Variants in PRKN observed in about 807,000 individuals in gnomAD.
The protein encoded by PRKN is E3 ubiquitin-protein ligase parkin.
PRKN carries 56 observed loss-of-function variants against 59.5 expected under a neutral mutation model. The observed-to-expected ratio is 0.94, with a 90% CI of 0.76 to 1.18. The LOEUF (loss-of-function observed/expected upper bound fraction) is 1.18. Among genes scored for constraint, PRKN ranks in the 50% most tolerant of loss-of-function variants. The pLI, the probability that PRKN is intolerant of heterozygous loss-of-function variation, is 0.00. For synonymous variants in PRKN, 250 were observed against 222.1 expected (o/e 1.13, Z -1.12); for missense variants, 657 against 596.4 (o/e 1.10, Z -1.06).
chr6:161,658,342 G>T (rs1395466102), intron 7 of PRKN, among the ~76,000 whole-genome samples: 3 of 152,146 alleles, frequency 2.0e-5, no homozygotes, highest in African/African-American at 7.2e-5. Flanking sequence ...TCAATAAAGA[G>T]AAAAGAGTTC....
chr6:162,235,632 C>G (rs1778622617), intron 3 of PRKN, among the ~76,000 whole-genome samples: 1 of 151,904 alleles, frequency 6.6e-6, no homozygotes, highest in African/African-American at 2.4e-5. Flanking sequence ...ATGGCGAAAC[C>G]CTGTCTCTAC....
At chr6:162,725,531 G>A (rs1229545030) in intron 1 of PRKN, among the ~76,000 whole-genome samples, 2 of 152,200 alleles carry the variant, frequency 1.3e-5, no homozygotes, top group East Asian at 3.9e-4. Flanking sequence ...AGGCGAATGC[G>A]GGAGGATTGC....
chr6:162,310,567 G>C (rs576074069), intron 2 of PRKN, among the ~76,000 whole-genome samples: 11 of 151,268 alleles, frequency 7.3e-5, no homozygotes, highest in Non-Finnish European at 1.0e-4. Flanking sequence ...AATTTCTGTT[G>C]TTTAAGTTCC....
At chr6:162,118,032 C>CA (rs1780748020) in intron 4 of PRKN, among the ~76,000 whole-genome samples, 1 of 151,970 alleles carries the variant, frequency 6.6e-6, no homozygotes, top group African/African-American at 2.4e-5. Flanking sequence ...GGAGACAGAG[C>CA]TTGCAGTGAG....
intron 7 of PRKN, among the ~76,000 whole-genome samples, chr6:161,682,773 A>G (rs1265619751): frequency 6.6e-6 from 1 of 152,158 alleles, no homozygotes; most frequent in Non-Finnish European, 1.5e-5. Context: ...AAGCCAGGCG[A>G]GAGGAGCAGA....
intron 1 of PRKN, among the ~76,000 whole-genome samples, chr6:162,447,818 T>C (rs967264018): frequency 6.6e-6 from 1 of 152,128 alleles, no homozygotes; most frequent in Non-Finnish European, 1.5e-5. Context: ...CACAGCCCCA[T>C]CCTCCTTGTC....
chr6:161,684,743 A>G (rs1174721249), intron 7 of PRKN, among the ~76,000 whole-genome samples: 1 of 151,998 alleles, frequency 6.6e-6, no homozygotes, highest in African/African-American at 2.4e-5. Flanking sequence ...AACAACAATT[A>G]TTTCACTAAA....
chr6:162,403,768 C>A (rs183807518), intron 2 of PRKN, among the ~76,000 whole-genome samples: 78 of 152,208 alleles, frequency 5.1e-4, no homozygotes, highest in Admixed American at 2.5e-3. Context: ...GGGAGTGACA[C>A]AAGTCGTTGT....
intron 2 of PRKN, among the ~76,000 whole-genome samples, chr6:162,328,785 C>G (rs1314673282): frequency 6.6e-6 from 1 of 152,160 alleles, no homozygotes; most frequent in African/African-American, 2.4e-5. Flanking sequence ...CGAGCGGCTG[C>G]CAAGGTAGGT....
At chr6:161,573,434 C>T (rs9355910) in intron 7 of PRKN, among the ~76,000 whole-genome samples, 93,780 of 150,972 alleles carry the variant, frequency 0.62, 29,441 homozygotes, top group African/African-American at 0.7. Context: ...AAAATAATTT[C>T]ATTCGGCCAG....
At chr6:162,550,457 T>A (rs1322870318) in intron 1 of PRKN, among the ~76,000 whole-genome samples, 1 of 152,122 alleles carries the variant, frequency 6.6e-6, no homozygotes, top group East Asian at 1.9e-4. Flanking sequence ...GTTGTCCCGT[T>A]TGGGGGATGG....
intron 6 of PRKN, among the ~76,000 whole-genome samples, chr6:161,822,439 GC>G (rs1371003001): frequency 6.6e-6 from 1 of 152,218 alleles, no homozygotes; most frequent in Non-Finnish European, 1.5e-5. Context: ...ACTTTAGGAA[GC>G]CAAGGCAGGC....
chr6:161,640,880 G>C (rs935025131), intron 7 of PRKN, among the ~76,000 whole-genome samples: 2 of 152,246 alleles, frequency 1.3e-5, no homozygotes, highest in Admixed American at 6.5e-5. Flanking sequence ...GTGCTGTGCT[G>C]AATAAATTAA....
At position 161,602,104 on chromosome 6, in the gene PRKN, TTATC is replaced by T. The variant is rs75473524; in HGVS notation, c.872-32692_872-32689del. On this transcript the variant is annotated intron_variant, in intron 7 of 11. Transcript: ENST00000366898. ...TTTATCTAAGTATATTTAGGGGAGA[TTATC>T]TATCTATCTATCTATCTATCTATCT... is the stretch of plus-strand genomic sequence containing the variant. 5.3e-3 allele frequency among the ~76,000 whole-genome samples: 803 copies of T among 150,532 alleles called. 5 individuals are homozygous for T. The highest frequency in any genetic ancestry group is 0.015 in the African/African-American group (617 of 40,738).
At chr6:161,860,475 G>A (rs987291470) in intron 6 of PRKN, among the ~76,000 whole-genome samples, 3 of 152,090 alleles carry the variant, frequency 2.0e-5, no homozygotes, top group African/African-American at 7.2e-5. Context: ...TTGCGATCTC[G>A]CACTCACTTT....
intron 1 of PRKN, among the ~76,000 whole-genome samples, chr6:162,575,783 T>C (rs1292870801): frequency 6.6e-6 from 1 of 152,214 alleles, no homozygotes; most frequent in Admixed American, 6.5e-5. Context: ...ACACTATTTG[T>C]ATTATAAATA....
chr6:162,224,954 G>A (rs1236816556), intron 3 of PRKN, among the ~76,000 whole-genome samples: 5 of 152,140 alleles, frequency 3.3e-5, no homozygotes, highest in Non-Finnish European at 7.3e-5. Flanking sequence ...GTGTTCTTGG[G>A]AGAGACAGGC....
chr6:162,289,281 C>T lies in PRKN; in HGVS notation c.172-26516G>A, dbSNP rs568102061. ...GCTTGTCTGTCTCACTTTTTTTCCC[C>T]TTTTTCTAAGGACACTTATCATATT... On this transcript the variant is annotated intron_variant, in intron 2 of 11. Coordinates refer to ENST00000366898, the MANE Select transcript of PRKN (RefSeq NM_004562.3). Among the ~76,000 whole-genome samples the T allele has an allele frequency of 1.3e-5, 2 of 152,210 alleles. 1 individual carries two copies. The highest frequency in any genetic ancestry group is 4.1e-4 in the South Asian group (2 of 4,826).
At chr6:161,838,569 G>A (rs529452563) in intron 6 of PRKN, among the ~76,000 whole-genome samples, 1 of 152,340 alleles carries the variant, frequency 6.6e-6, no homozygotes, top group Non-Finnish European at 1.5e-5. Flanking sequence ...GCCTCAGCCT[G>A]GATGTTAGCC....
Sources: allele counts gnomAD v4.1 joint callset (sites outside exome capture counted in the v4.1 genomes callset), GRCh38; gene constraint gnomAD v4.1.1; transcripts MANE v1.5; gene names NCBI Gene and HGNC (gene_info 2026-07-23, HGNC 2026-07-21).